Variants in KIF2A observed in about 807,000 individuals in gnomAD.
KIF2A encodes the protein kinesin family member 2A.
In KIF2A, 22 loss-of-function variants were observed where a neutral mutation model predicts 100.2. The ratio of observed to expected loss-of-function variants is 0.22; its 90% CI spans 0.16 to 0.31. The LOEUF (loss-of-function observed/expected upper bound fraction) is 0.31. Ranked by LOEUF, KIF2A falls within the 10% of genes least tolerant of loss-of-function variation. KIF2A has a pLI of 1.00. For missense variants in KIF2A, 495 were observed against 898.7 expected (o/e 0.55, Z 5.74); for synonymous variants, 268 against 285.9 (o/e 0.94, Z 0.63).
chr5:62,372,458 GTCCATCAGACAT>G lies in KIF2A; in HGVS notation c.1671_1682del (p.Ser558_Pro561del). On this transcript the variant is annotated inframe_deletion, in exon 17 of 21. Coordinates refer to ENST00000407818, the MANE Select transcript of KIF2A (RefSeq NM_001098511.3). ...TGCAGAGTAAAGGAGTTTGGAATTAGTCCATCAGACATTCCCTTCTCACAGGGTAGTGGCAGT... is the reference window on the plus strand; with the variant it reads ...TGCAGAGTAAAGGAGTTTGGAATTAGTCCCTTCTCACAGGGTAGTGGCAGT... 2 of 1,609,086 alleles carry G rather than the reference GTCCATCAGACAT, an allele frequency of 1.2e-6. No homozygotes were observed. Among genetic ancestry groups the G allele is most frequent in the Non-Finnish European group, 1.7e-6 (2 of 1,175,942 alleles).
In KIF2A at chr5:62,385,624, G is replaced by T; in HGVS notation, c.*55G>T. On this transcript the variant is annotated 3_prime_UTR_variant, in exon 21 of 21. Transcript: ENST00000407818. ...AACCCTCACTACTGTAACATACAACGGTTCAGCTGTAAGGGCCATTTGAAA... is the reference window on the plus strand; with the variant it reads ...AACCCTCACTACTGTAACATACAACTGTTCAGCTGTAAGGGCCATTTGAAA... 1 of 1,260,628 alleles carries T rather than the reference G, an allele frequency of 7.9e-7. No homozygotes were observed. Among genetic ancestry groups the T allele is most frequent in the Non-Finnish European group, 1.1e-6 (1 of 885,148 alleles). 78.1% of individuals were successfully genotyped at this position (1,260,628 alleles called of 1,614,324 possible). A position where few individuals can be genotyped will look rare whatever the true frequency, so the allele number is the denominator to read the frequency against.
At chr5:62,369,937 C>G (rs930867725) in intron 16 of KIF2A, among the ~76,000 whole-genome samples, 1 of 152,182 alleles carries the variant, frequency 6.6e-6, no homozygotes, top group Non-Finnish European at 1.5e-5. Context: ...GGGAAAGTTA[C>G]TTAACCTCTC....
intron 7 of KIF2A, among the ~76,000 whole-genome samples, chr5:62,356,718 A>T (rs998935671): frequency 2.6e-5 from 4 of 151,574 alleles, no homozygotes; most frequent in Non-Finnish European, 5.9e-5. Context: ...CTATGAAAAT[A>T]TGTCACTTAG....
Position 62,324,489 on chromosome 5 carries a change from G to A in KIF2A, c.64+17953G>A, listed in dbSNP as rs1156283467. Among the ~76,000 whole-genome samples the A allele has an allele frequency of 5.3e-5, 8 of 152,086 alleles. No homozygotes were observed. In the East Asian group the frequency reaches 5.8e-4, roughly 11 times the overall value. Reference sequence around the variant, plus strand: ...GCAAAGCTGCAGTAACCAAAACAGCGCGGTACCGATATAAAAACAGACACA... The same window carrying A: ...GCAAAGCTGCAGTAACCAAAACAGCACGGTACCGATATAAAAACAGACACA... On this transcript the variant is annotated intron_variant, in intron 1 of 20. Coordinates refer to ENST00000407818, the MANE Select transcript of KIF2A (RefSeq NM_001098511.3).
chr5:62,364,013 T>A (rs1332895194), intron 14 of KIF2A, 114 bp downstream of exon 14: 1 of 790,954 alleles, frequency 1.3e-6, no homozygotes, highest in Non-Finnish European at 2.0e-6. Context: ...TTTTCAAAAT[T>A]CAGATGCTTG....
intron 1 of KIF2A, among the ~76,000 whole-genome samples, chr5:62,322,853 A>C (rs1746168622): frequency 9.2e-6 from 1 of 108,688 alleles, no homozygotes; most frequent in African/African-American, 3.1e-5. Context: ...AGATTGTTTT[A>C]TGGTTTTTGG....
Position 62,352,703 on chromosome 5 carries a change from A to T in KIF2A, c.450A>T (p.Gly150=). ...TTCAAGCTGCAAAAAAGGAATTTGG[A>T]CCCCCTTGTATGTAAATTATGTATC... The part of the protein sequence containing the change: ...SPVQAAKKEF[G]PPSRRKSNCV... The change falls in exon 5 of 21, where the codon GGA becomes GGT. Residue 150 remains glycine, a synonymous_variant. Coordinates refer to ENST00000407818, the MANE Select transcript of KIF2A (RefSeq NM_001098511.3). 1 of 1,610,706 alleles carries T rather than the reference A, an allele frequency of 6.2e-7. No individual in the cohort carries two copies. Among genetic ancestry groups the T allele is most frequent in the Non-Finnish European group, 8.5e-7 (1 of 1,178,166 alleles).
chr5:62,325,239 T>C (rs1746314251), intron 1 of KIF2A, among the ~76,000 whole-genome samples: 1 of 152,092 alleles, frequency 6.6e-6, no homozygotes, highest in South Asian at 2.1e-4. Context: ...TTCTCCTGCC[T>C]CAGCCTCCTG....
chr5:62,328,489 G>A (rs1449631782), intron 1 of KIF2A, among the ~76,000 whole-genome samples: 1 of 152,018 alleles, frequency 6.6e-6, no homozygotes, highest in Non-Finnish European at 1.5e-5. Flanking sequence ...AAACTACAGT[G>A]ATTTAATACT....
rs1745275263 is a variant in KIF2A at position 62,306,440 on chromosome 5, C to T, written c.-33C>T. ...CCTTTTCCGCCCTCCGGTCCCCCTCCCTCGGCCCGCTGCTGCTGCTCCAGA... is the reference window on the plus strand; with the variant it reads ...CCTTTTCCGCCCTCCGGTCCCCCTCTCTCGGCCCGCTGCTGCTGCTCCAGA... On this transcript the variant is annotated 5_prime_UTR_variant, in exon 1 of 21. Coordinates refer to ENST00000407818, the MANE Select transcript of KIF2A (RefSeq NM_001098511.3). 6.5e-7 allele frequency: 1 copy of T among 1,531,302 alleles called. No individual in the cohort carries two copies. The highest frequency in any genetic ancestry group is 1.4e-5 in the African/African-American group (1 of 71,078). The allele number at this position is 1,531,302 out of a possible 1,614,324, so 94.9% of individuals were successfully genotyped here.
rs1294565395 is a variant in KIF2A, at chr5:62,387,183, A to C, written c.*1614A>C. Reference sequence around the variant, plus strand: ...TATTAATAAATGAAGTCTATGGAATAAGTTTTAGAGATAATTTACTTCAGT... The same window carrying C: ...TATTAATAAATGAAGTCTATGGAATCAGTTTTAGAGATAATTTACTTCAGT... On this transcript the variant is annotated 3_prime_UTR_variant, in exon 21 of 21. Transcript: ENST00000407818. The C allele has an allele frequency of 6.6e-6, 1 of 152,206 alleles. No individual in the cohort carries two copies. Among genetic ancestry groups the C allele is most frequent in the Non-Finnish European group, 1.5e-5 (1 of 68,026 alleles). The allele number at this position is 152,206 out of a possible 1,614,324, so 9.4% of individuals were successfully genotyped here. A position where few individuals can be genotyped will look rare whatever the true frequency, so the allele number is the denominator to read the frequency against.
At chr5:62,347,937 C>A in intron 2 of KIF2A, 111 bp from the exon 3 acceptor site, 1 of 1,192,252 alleles carries the variant, frequency 8.4e-7, no homozygotes, top group South Asian at 1.5e-5. Flanking sequence ...TTACTGTATT[C>A]ATTAGGCTAA....
rs76414081 is a variant in KIF2A, at chr5:62,330,542, C to T, written c.65-16588C>T. 1.1e-3 allele frequency among the ~76,000 whole-genome samples: 161 copies of T among 152,192 alleles called. 2 individuals are homozygous for T. In the East Asian group the frequency reaches 0.025, roughly 23 times the overall value. ...TTTGAGTAAACTTATGTATTTTACTCATCTTCTGGAAACAACATTGTTCTG... is the reference window on the plus strand; with the variant it reads ...TTTGAGTAAACTTATGTATTTTACTTATCTTCTGGAAACAACATTGTTCTG... On this transcript the variant is annotated intron_variant, in intron 1 of 20. Transcript: ENST00000407818.
At chr5:62,317,074 A>G (rs1745852253) in intron 1 of KIF2A, among the ~76,000 whole-genome samples, 1 of 151,606 alleles carries the variant, frequency 6.6e-6, no homozygotes, top group Non-Finnish European at 1.5e-5. Flanking sequence ...TTTGAATCAA[A>G]GTTTCACTCT....
rs568449269 is a variant in KIF2A at position 62,383,627 on chromosome 5, G to T, written c.2150-1857G>T. Among the ~76,000 whole-genome samples the T allele has an allele frequency of 3.7e-4, 57 of 152,224 alleles. 1 individual carries two copies. Among genetic ancestry groups the T allele is most frequent in the African/African-American group, 1.3e-3 (52 of 41,526 alleles). ...AGTTGGTTATTTGAAATCATATTTT[G>T]TAAAGTCAGCAGTGACTGTTGAACT... On this transcript the variant is annotated intron_variant, in intron 20 of 20. Coordinates refer to ENST00000407818, the MANE Select transcript of KIF2A (RefSeq NM_001098511.3).
chr5:62,358,860 G>A (rs1748245359), intron 9 of KIF2A, among the ~76,000 whole-genome samples: 1 of 152,076 alleles, frequency 6.6e-6, no homozygotes, highest in South Asian at 2.1e-4. Context: ...TTGTAGAGTT[G>A]AGGTTTCGCC....
At chr5:62,378,720 C>G (rs913610948) in intron 19 of KIF2A, among the ~76,000 whole-genome samples, 22 of 152,098 alleles carry the variant, frequency 1.4e-4, no homozygotes, top group African/African-American at 4.6e-4. Flanking sequence ...GAATTCAAGA[C>G]TAGCCTGGGC....
At position 62,387,962 on chromosome 5, in the gene KIF2A, A is replaced by G. The variant is rs1020536275; in HGVS notation, c.*2393A>G. ...TAAAAAAAGCCAAATATCAATAAAG[A>G]TATTTTTATTAATTTTTTATAGAAA... On this transcript the variant is annotated 3_prime_UTR_variant, in exon 21 of 21. Transcript: ENST00000407818. 1.3e-5 allele frequency: 2 copies of G among 152,118 alleles called. No homozygotes were observed. Among genetic ancestry groups the G allele is most frequent in the East Asian group, 3.8e-4 (2 of 5,202 alleles). 9.4% of individuals were successfully genotyped at this position (152,118 alleles called of 1,614,324 possible).
At chr5:62,373,333 T>C (rs1340789084) in intron 17 of KIF2A, among the ~76,000 whole-genome samples, 1 of 152,014 alleles carries the variant, frequency 6.6e-6, no homozygotes, top group African/African-American at 2.4e-5. Flanking sequence ...TTAATTGCAA[T>C]AACATCAACT....
Sources: allele counts gnomAD v4.1 joint callset (sites outside exome capture counted in the v4.1 genomes callset), GRCh38; gene constraint gnomAD v4.1.1; transcripts MANE v1.5; gene names NCBI Gene and HGNC (gene_info 2026-07-23, HGNC 2026-07-21).